NKAIN3: variants seen among roughly 807,000 people sequenced by gnomAD.
NKAIN3 encodes the protein sodium/potassium transporting ATPase interacting 3, also known as sodium/potassium-transporting ATPase subunit beta-1-interacting protein 3.
NKAIN3 carries 25 observed loss-of-function variants against 30.2 expected under a neutral mutation model. That is an observed-to-expected ratio of 0.83 (90% CI 0.60 to 1.16). The LOEUF is 1.16. Among genes scored for constraint, NKAIN3 ranks in the 50% most tolerant of loss-of-function variants. The probability of loss-of-function intolerance (pLI) is 0.00; values close to 1 mark genes in which losing one functional copy is unlikely to be tolerated. For synonymous variants in NKAIN3, 91 were observed against 89.6 expected (o/e 1.02, Z -0.09); for missense variants, 225 against 254.1 (o/e 0.89, Z 0.78).
intron 4 of NKAIN3, among the ~76,000 whole-genome samples, chr8:62,889,336 C>G (rs1821234355): frequency 6.6e-6 from 1 of 152,010 alleles, no homozygotes; most frequent in African/African-American, 2.4e-5. Context: ...TGCCATTGCA[C>G]TCCAGCCTGG....
rs201118644 is a variant in NKAIN3, at chr8:62,965,644, C to T, written c.*237C>T. 1.2e-6 allele frequency: 1 copy of T among 862,164 alleles called. No homozygotes were observed. The highest frequency in any genetic ancestry group is 1.4e-6 in the Non-Finnish European group (1 of 722,444). The allele number at this position is 862,164 out of a possible 1,614,324, so 53.4% of individuals were successfully genotyped here. A position where few individuals can be genotyped will look rare whatever the true frequency, so the allele number is the denominator to read the frequency against. ...GTAAAAAAAAAAAAAAAAGAAAAAA[C>T]AGAATTTGGTTTTAAATTTTTAACA... On this transcript the variant is annotated 3_prime_UTR_variant, in exon 7 of 7. Transcript: ENST00000623646.
chr8:62,935,489 C>T (rs2130876689), intron 5 of NKAIN3, among the ~76,000 whole-genome samples: 1 of 151,906 alleles, frequency 6.6e-6, no homozygotes, highest in South Asian at 2.1e-4. Flanking sequence ...TTTTTTTTTC[C>T]CAACTCACAT....
intron 4 of NKAIN3, among the ~76,000 whole-genome samples, chr8:62,831,389 T>C (rs1819193568): frequency 1.3e-5 from 2 of 151,984 alleles, no homozygotes; most frequent in South Asian, 4.1e-4. Flanking sequence ...CTAAACAAAA[T>C]GGAATTTCAG....
intron 4 of NKAIN3, among the ~76,000 whole-genome samples, chr8:62,779,003 T>C (rs1310987878): frequency 6.6e-6 from 1 of 152,026 alleles, no homozygotes; most frequent in Non-Finnish European, 1.5e-5. Context: ...AGAGATGTCA[T>C]GTGGGAGCTA....
chr8:62,761,678 C>A (rs949424417), intron 4 of NKAIN3, among the ~76,000 whole-genome samples: 1 of 152,146 alleles, frequency 6.6e-6, no homozygotes, highest in Non-Finnish European at 1.5e-5. Flanking sequence ...ATTGAGGATT[C>A]CATTGCCTGA....
intron 1 of NKAIN3, among the ~76,000 whole-genome samples, chr8:62,313,154 TTC>T (rs1307959570): frequency 2.0e-5 from 3 of 152,158 alleles, no homozygotes; most frequent in African/African-American, 7.2e-5. Context: ...ACTTCTTTTT[TTC>T]TCTGTCTCTA....
At chr8:62,275,226 T>C (rs1475663549) in intron 1 of NKAIN3, among the ~76,000 whole-genome samples, 1 of 152,124 alleles carries the variant, frequency 6.6e-6, no homozygotes, top group Non-Finnish European at 1.5e-5. Flanking sequence ...TGTAAAAGTG[T>C]TCCTATTTCT....
chr8:62,260,382 T>C (rs941663231), intron 1 of NKAIN3, among the ~76,000 whole-genome samples: 1 of 152,206 alleles, frequency 6.6e-6, no homozygotes, highest in Non-Finnish European at 1.5e-5. Flanking sequence ...TTGTTGTTAA[T>C]GATAATTCTT....
chr8:62,519,658 T>C (rs1808095349), intron 1 of NKAIN3, among the ~76,000 whole-genome samples: 1 of 152,170 alleles, frequency 6.6e-6, no homozygotes, highest in Non-Finnish European at 1.5e-5. Flanking sequence ...TTGCTTCTCC[T>C]GGACAAAGTT....
intron 1 of NKAIN3, among the ~76,000 whole-genome samples, chr8:62,522,900 T>C (rs1449882836): frequency 6.6e-6 from 1 of 152,078 alleles, no homozygotes; most frequent in Non-Finnish European, 1.5e-5. Context: ...TAAGCTAAGG[T>C]TAACTTATTA....
At chr8:62,953,761 T>C (rs1823347023) in intron 5 of NKAIN3, 141 bp from the exon 6 acceptor site, 1 of 159,348 alleles carries the variant, frequency 6.3e-6, no homozygotes, top group Admixed American at 6.5e-5. Flanking sequence ...ATATTTTTAG[T>C]AGTCCTTTTT....
At position 62,981,749 on chromosome 8, in the gene NKAIN3, C is replaced by T. The variant is rs1401398214; in HGVS notation, c.*16342C>T. 1.8e-5 allele frequency: 2 copies of T among 112,916 alleles called. No individual in the cohort carries two copies. Among genetic ancestry groups the T allele is most frequent in the Non-Finnish European group, 1.8e-5 (1 of 55,838 alleles). 7.0% of individuals were successfully genotyped at this position (112,916 alleles called of 1,614,324 possible). A position where few individuals can be genotyped will look rare whatever the true frequency, so the allele number is the denominator to read the frequency against. Reference sequence around the variant, plus strand: ...ATGTATCCACAACAGAACTAAGGACCGAAAAAAAAAAAAAAAAGATCTCTA... The same window carrying T: ...ATGTATCCACAACAGAACTAAGGACTGAAAAAAAAAAAAAAAAGATCTCTA... On this transcript the variant is annotated 3_prime_UTR_variant, in exon 7 of 7. Transcript: ENST00000623646.
intron 1 of NKAIN3, among the ~76,000 whole-genome samples, chr8:62,557,217 G>C (rs1439379438): frequency 6.6e-6 from 1 of 152,010 alleles, no homozygotes; most frequent in Non-Finnish European, 1.5e-5. Context: ...GTCTCATCCA[G>C]GTTGCTGTGA....
At chr8:62,251,545 C>T (rs1018799372) in intron 1 of NKAIN3, among the ~76,000 whole-genome samples, 10 of 152,066 alleles carry the variant, frequency 6.6e-5, no homozygotes, top group Admixed American at 3.3e-4. Flanking sequence ...AGAAAATATT[C>T]GAACTTTACT....
intron 1 of NKAIN3, among the ~76,000 whole-genome samples, chr8:62,460,420 A>G (rs1387629728): frequency 6.6e-6 from 1 of 151,924 alleles, no homozygotes; most frequent in Non-Finnish European, 1.5e-5. Flanking sequence ...TCAAAAAAAA[A>G]AAAAAAAGAA....
Position 62,737,547 on chromosome 8 carries a change from T to TC in NKAIN3, c.274-9384dup, listed in dbSNP as rs551256679. 4.2e-3 allele frequency among the ~76,000 whole-genome samples: 636 copies of TC among 152,234 alleles called. 6 individuals are homozygous for TC. The highest frequency in any genetic ancestry group is 0.015 in the African/African-American group (612 of 41,536). ...TTCTGATTGTGCTTTGTCTTTAGAA[T>TC]CACACTGGTAAAGCCATATTTTATC... is the stretch of plus-strand genomic sequence containing the variant. On this transcript the variant is annotated intron_variant, in intron 3 of 6. Transcript: ENST00000623646.
intron 3 of NKAIN3, among the ~76,000 whole-genome samples, chr8:62,741,835 C>CT (rs1815904893): frequency 6.6e-6 from 1 of 152,102 alleles, no homozygotes; most frequent in African/African-American, 2.4e-5. Context: ...GCTAAAAACT[C>CT]TAAGAGGGTA....
chr8:62,312,898 GA>G (rs1814495368), intron 1 of NKAIN3, among the ~76,000 whole-genome samples: 1 of 151,642 alleles, frequency 6.6e-6, no homozygotes, highest in South Asian at 2.1e-4. Context: ...TGGTCCCCAA[GA>G]AACCCCTAGA....
chr8:62,487,412 G>C (rs1806937008), intron 1 of NKAIN3, among the ~76,000 whole-genome samples: 1 of 152,144 alleles, frequency 6.6e-6, no homozygotes, highest in Non-Finnish European at 1.5e-5. Context: ...ATTACCCACG[G>C]AGAGAAAGAG....
Sources: gnomAD v4.1 joint callset for allele counts (sites outside exome capture counted in the v4.1 genomes callset) on GRCh38, gnomAD v4.1.1 for gene constraint, MANE v1.5 for transcripts, NCBI Gene and HGNC (gene_info 2026-07-23, HGNC 2026-07-21) for gene names.